Variants in SSPN observed in about 807,000 individuals in gnomAD.
SSPN encodes sarcospan.
A neutral mutation model predicts 19.1 loss-of-function variants in SSPN; 15 were observed. That is an observed-to-expected ratio of 0.78 (90% CI 0.52 to 1.21). The LOEUF (loss-of-function observed/expected upper bound fraction) is 1.21. Ranked by LOEUF, SSPN falls within the 50% of genes most tolerant of loss-of-function variation. The pLI is 0.00. For synonymous variants in SSPN, 147 were observed against 140.3 expected (o/e 1.05, Z -0.34); for missense variants, 291 against 314.0 (o/e 0.93, Z 0.55).
At chr12:26,129,862 A>G (rs962331146) in intron 1 of SSPN, among the ~76,000 whole-genome samples, 2 of 152,182 alleles carry the variant, frequency 1.3e-5, no homozygotes, top group Non-Finnish European at 2.9e-5. Flanking sequence ...TTTCATATTT[A>G]TGTGATGATC....
At chr12:26,158,524 C>T (rs570398210) in intron 1 of SSPN, among the ~76,000 whole-genome samples, 6 of 152,356 alleles carry the variant, frequency 3.9e-5, no homozygotes, top group South Asian at 4.1e-4. Context: ...CTCTGAGTGA[C>T]GGGAACTCCT....
intron 1 of SSPN, among the ~76,000 whole-genome samples, chr12:26,147,518 G>A (rs576450966): frequency 1.3e-5 from 2 of 152,222 alleles, no homozygotes; most frequent in South Asian, 2.1e-4. Flanking sequence ...TGTTCCACCC[G>A]TCTTGGCCTC....
At chr12:26,141,534 A>C (rs1332581256) in intron 1 of SSPN, among the ~76,000 whole-genome samples, 1 of 152,176 alleles carries the variant, frequency 6.6e-6, no homozygotes, top group Non-Finnish European at 1.5e-5. Context: ...AAGACCCTAC[A>C]ACTTTCTCCT....
intron 1 of SSPN, among the ~76,000 whole-genome samples, chr12:26,203,994 A>G (rs1944908507): frequency 6.6e-6 from 1 of 151,942 alleles, no homozygotes; most frequent in South Asian, 2.1e-4. Flanking sequence ...AACCTTAATT[A>G]CCTCCTAAAA....
At position 26,232,500 on chromosome 12, in the gene SSPN, T is replaced by C; in HGVS notation, c.*1424T>C. ...GCTTTGTTGAAAGCAGAAATTAAGATAATAATTGAGTTCAATTCGCCTCTC... is the reference window on the plus strand; with the variant it reads ...GCTTTGTTGAAAGCAGAAATTAAGACAATAATTGAGTTCAATTCGCCTCTC... On this transcript the variant is annotated 3_prime_UTR_variant, in exon 3 of 3. Coordinates refer to ENST00000242729, the MANE Select transcript of SSPN (RefSeq NM_005086.5). The C allele has an allele frequency of 1.0e-6, 1 of 985,400 alleles. No individual in the cohort carries two copies. The highest frequency in any genetic ancestry group is 1.2e-6 in the Non-Finnish European group (1 of 829,896). The allele number at this position is 985,400 out of a possible 1,614,324, so 61.0% of individuals were successfully genotyped here.
At chr12:26,193,036 A>G (rs1051258554), upstream of SSPN, among the ~76,000 whole-genome samples, 2 of 152,222 alleles carry the variant, frequency 1.3e-5, no homozygotes, top group Admixed American at 1.3e-4. Context: ...ATAAACTAGT[A>G]CTAATAGGAA....
At chr12:26,215,306 T>A (rs1296452470) in intron 1 of SSPN, among the ~76,000 whole-genome samples, 2 of 152,218 alleles carry the variant, frequency 1.3e-5, no homozygotes, top group Non-Finnish European at 2.9e-5. Flanking sequence ...CTCTCCTCTG[T>A]ATCTTTATAC....
intron 1 of SSPN, among the ~76,000 whole-genome samples, chr12:26,136,882 A>C (rs1182972010): frequency 6.6e-6 from 1 of 152,226 alleles, no homozygotes. Context: ...TTCCACATTT[A>C]TGTGCAAATT....
At chr12:26,176,467 T>G (rs1396248829) in intron 1 of SSPN, among the ~76,000 whole-genome samples, 1 of 152,198 alleles carries the variant, frequency 6.6e-6, no homozygotes, top group African/African-American at 2.4e-5. Flanking sequence ...AGACAAACTC[T>G]AAATAAAGAT....
intron 1 of SSPN, among the ~76,000 whole-genome samples, chr12:26,131,865 G>A (rs769525158): frequency 1.6e-4 from 24 of 152,204 alleles, no homozygotes; most frequent in Non-Finnish European, 2.6e-4. Context: ...CTTGTCTGTT[G>A]TCATGTAGTA....
chr12:26,176,129 G>T (rs1300267471), intron 1 of SSPN, among the ~76,000 whole-genome samples: 1 of 152,162 alleles, frequency 6.6e-6, no homozygotes, highest in Non-Finnish European at 1.5e-5. Flanking sequence ...GAGCCTCAGT[G>T]CCTGGCCTAT....
chr12:26,137,150 T>C (rs1189955918), intron 1 of SSPN, among the ~76,000 whole-genome samples: 1 of 152,198 alleles, frequency 6.6e-6, no homozygotes, highest in Non-Finnish European at 1.5e-5. Flanking sequence ...ATAGATAGTG[T>C]GATAATGCCA....
intron 1 of SSPN, among the ~76,000 whole-genome samples, chr12:26,167,343 T>C (rs994976583): frequency 1.3e-5 from 2 of 152,220 alleles, no homozygotes; most frequent in East Asian, 1.9e-4. Context: ...AAAAACCTTA[T>C]GGACAAAGAT....
intron 1 of SSPN, chr12:26,180,521 A>G (rs1470258825): frequency 6.6e-6 from 1 of 152,140 alleles, no homozygotes; most frequent in African/African-American, 2.4e-5. Context: ...CAAAATATAA[A>G]CCAACCACTA....
upstream of SSPN, among the ~76,000 whole-genome samples, chr12:26,192,432 T>C (rs1944794973): frequency 1.3e-5 from 2 of 152,238 alleles, no homozygotes; most frequent in Admixed American, 1.3e-4. Flanking sequence ...GATGATTTTT[T>C]CTCAGTGGAA....
intron 1 of SSPN, among the ~76,000 whole-genome samples, chr12:26,201,402 G>A (rs1295698773): frequency 1.3e-5 from 2 of 151,722 alleles, no homozygotes; most frequent in South Asian, 2.1e-4. Context: ...AGAATTTGGC[G>A]AATTTGGCGA....
rs764065401 is a variant in SSPN, at chr12:26,122,693, C to T, written c.-31+541C>T. Reference sequence around the variant, plus strand: ...CCAGCTTCATCCTCTTGGGCGCCGGCGAGTCCTCCCCGGGAGGCTCCTGCT... The same window carrying T: ...CCAGCTTCATCCTCTTGGGCGCCGGTGAGTCCTCCCCGGGAGGCTCCTGCT... On this transcript the variant is annotated intron_variant, in intron 1 of 2. Transcript: ENST00000538142. 3 of 1,563,008 alleles carry T rather than the reference C, an allele frequency of 1.9e-6. No homozygotes were observed. In the South Asian group the frequency reaches 3.5e-5, roughly 18 times the overall value.
chr12:26,216,816 A>G (rs1463056451), intron 1 of SSPN, among the ~76,000 whole-genome samples: 1 of 124,648 alleles, frequency 8.0e-6, no homozygotes, highest in African/African-American at 3.1e-5. Context: ...TCCCAGCACC[A>G]TTTATTAAAT....
At chr12:26,123,840 T>A (rs1944337020) in intron 1 of SSPN, 1 of 851,488 alleles carries the variant, frequency 1.2e-6, no homozygotes, top group East Asian at 2.4e-5. Flanking sequence ...AGCAAACACT[T>A]TGAAAGAAGT....
Sources: allele counts gnomAD v4.1 joint callset (sites outside exome capture counted in the v4.1 genomes callset), GRCh38; gene constraint gnomAD v4.1.1; transcripts MANE v1.5; gene names NCBI Gene and HGNC (gene_info 2026-07-23, HGNC 2026-07-21).